The following ALK variants were observed in gnomAD, a reference collection of about 807,000 sequenced individuals.
ALK encodes the protein ALK receptor tyrosine kinase.
A neutral mutation model predicts 163.1 loss-of-function variants in ALK; 74 were observed. The observed-to-expected ratio is 0.45, with a 90% CI of 0.38 to 0.55. The LOEUF (loss-of-function observed/expected upper bound fraction) is 0.55. Among genes scored for constraint, ALK ranks in the 20% least tolerant of loss-of-function variants. The pLI is 0.00. For synonymous variants in ALK, 960 were observed against 843.2 expected (o/e 1.14, Z -2.40); for missense variants, 2,063 against 2,105.3 (o/e 0.98, Z 0.39).
At chr2:29,413,859 G>T (rs1446710420) in intron 4 of ALK, among the ~76,000 whole-genome samples, 2 of 151,980 alleles carry the variant, frequency 1.3e-5, no homozygotes, top group Admixed American at 6.6e-5. Context: ...GTCGAGACGG[G>T]GTTTCGCCAT....
chr2:29,401,909 G>A (rs4372837), intron 4 of ALK, among the ~76,000 whole-genome samples: 135,509 of 152,240 alleles, frequency 0.89, 60,584 homozygotes, highest in Middle Eastern at 0.97. Context: ...AAACTCCCCA[G>A]TGGTCTTCAA....
intron 1 of ALK, among the ~76,000 whole-genome samples, chr2:29,827,413 C>G (rs1169836888): frequency 6.6e-6 from 1 of 152,204 alleles, no homozygotes; most frequent in African/African-American, 2.4e-5. Flanking sequence ...GTGATGTCCT[C>G]TAAATCCACA....
intron 1 of ALK, among the ~76,000 whole-genome samples, chr2:29,866,386 G>T (rs1474245279): frequency 6.6e-6 from 1 of 152,196 alleles, no homozygotes; most frequent in Non-Finnish European, 1.5e-5. Flanking sequence ...GACACGCAAT[G>T]CTCAGAGAAG....
At chr2:29,774,204 C>G (rs1233945396) in intron 1 of ALK, among the ~76,000 whole-genome samples, 2 of 152,126 alleles carry the variant, frequency 1.3e-5, no homozygotes, top group South Asian at 2.1e-4. Flanking sequence ...CTCATTCTCT[C>G]CCCCCTGTTG....
At chr2:29,411,305 C>A (rs1020702011) in intron 4 of ALK, among the ~76,000 whole-genome samples, 1 of 152,260 alleles carries the variant, frequency 6.6e-6, no homozygotes, top group East Asian at 1.9e-4. Context: ...CTGCCTGAGG[C>A]TGTTCTAGAG....
intron 1 of ALK, among the ~76,000 whole-genome samples, chr2:29,859,620 T>TG (rs1279161417): frequency 6.6e-6 from 1 of 151,372 alleles, no homozygotes; most frequent in Non-Finnish European, 1.5e-5. Context: ...GGGTCGCTTG[T>TG]GAAAAAAAAT....
intron 3 of ALK, among the ~76,000 whole-genome samples, chr2:29,647,973 T>C (rs1191748880): frequency 6.6e-6 from 1 of 152,160 alleles, no homozygotes; most frequent in Admixed American, 6.6e-5. Context: ...TGTAGGGATT[T>C]GGATGACAAA....
At chr2:29,414,333 A>G (rs916585914) in intron 4 of ALK, among the ~76,000 whole-genome samples, 1 of 152,178 alleles carries the variant, frequency 6.6e-6, no homozygotes, top group Admixed American at 6.5e-5. Context: ...CTAGAAGACC[A>G]CTTAGCTAAA....
chr2:29,334,125 A>G (rs890445577), intron 5 of ALK, among the ~76,000 whole-genome samples: 9 of 152,006 alleles, frequency 5.9e-5, no homozygotes, highest in African/African-American at 2.2e-4. Flanking sequence ...CATCTGTGCC[A>G]TTTTCATGGA....
chr2:29,508,482 T>C (rs985915550), intron 4 of ALK, among the ~76,000 whole-genome samples: 1 of 151,350 alleles, frequency 6.6e-6, no homozygotes, highest in East Asian at 1.9e-4. Flanking sequence ...CACTCATAGG[T>C]GGGAATTGAA....
intron 2 of ALK, among the ~76,000 whole-genome samples, chr2:29,713,822 A>G (rs1479187174): frequency 2.0e-5 from 3 of 152,110 alleles, no homozygotes; most frequent in African/African-American, 7.2e-5. Context: ...GGTGAAAAAG[A>G]GTTTTGCAAT....
At chr2:29,423,822 A>G (rs1670074910) in intron 4 of ALK, among the ~76,000 whole-genome samples, 1 of 152,186 alleles carries the variant, frequency 6.6e-6, no homozygotes, top group South Asian at 2.1e-4. Flanking sequence ...ATATGTTTGC[A>G]CTAAGAATGA....
chr2:29,206,719 AT>A (rs1011511761), intron 26 of ALK, among the ~76,000 whole-genome samples: 1 of 151,866 alleles, frequency 6.6e-6, no homozygotes, highest in Non-Finnish European at 1.5e-5. Context: ...AGTTTCCAAA[AT>A]TTTGTCATTG....
At chr2:29,443,980 G>C (rs1670607757) in intron 4 of ALK, among the ~76,000 whole-genome samples, 2 of 152,198 alleles carry the variant, frequency 1.3e-5, no homozygotes, top group African/African-American at 4.8e-5. Context: ...CTACCAGATT[G>C]CTCTTGTTAC....
chr2:29,379,207 G>C (rs969191878), intron 5 of ALK, among the ~76,000 whole-genome samples: 1 of 152,154 alleles, frequency 6.6e-6, no homozygotes, highest in African/African-American at 2.4e-5. Flanking sequence ...GGTGTCTCTG[G>C]GGGCTGATGT....
intron 1 of ALK, among the ~76,000 whole-genome samples, chr2:29,876,616 C>CTGATGGTGG (rs923873901): frequency 1.6e-5 from 2 of 128,224 alleles, no homozygotes; most frequent in African/African-American, 6.7e-5. Flanking sequence ...GGCAATAATG[C>CTGATGGTGG]TGATGGTGGT....
At chr2:29,369,477 G>A (rs1189578867) in intron 5 of ALK, among the ~76,000 whole-genome samples, 1 of 152,144 alleles carries the variant, frequency 6.6e-6, no homozygotes, top group Admixed American at 6.5e-5. Flanking sequence ...TGTATGCCCT[G>A]GAGCTGGGCT....
chr2:29,870,886 C>T (rs1241231028), intron 1 of ALK, among the ~76,000 whole-genome samples: 1 of 152,110 alleles, frequency 6.6e-6, no homozygotes, highest in African/African-American at 2.4e-5. Context: ...CCAGTAGGAA[C>T]AATTAAGTGT....
chr2:29,756,346 T>A (rs1680530723), intron 1 of ALK, among the ~76,000 whole-genome samples: 1 of 152,200 alleles, frequency 6.6e-6, no homozygotes, highest in Non-Finnish European at 1.5e-5. Context: ...TAAGTATCTG[T>A]GTCATATCTG....
Sources: allele counts gnomAD v4.1 joint callset (sites outside exome capture counted in the v4.1 genomes callset), GRCh38; gene constraint gnomAD v4.1.1; transcripts MANE v1.5; gene names NCBI Gene and HGNC (gene_info 2026-07-23, HGNC 2026-07-21).